NUP98: variants seen among roughly 807,000 people sequenced by gnomAD.
The protein encoded by NUP98 is nucleoporin 98 and 96 precursor.
NUP98 carries 26 observed loss-of-function variants against 191.9 expected under a neutral mutation model. The observed-to-expected ratio is 0.14, with a 90% confidence interval of 0.10 to 0.19. The LOEUF (loss-of-function observed/expected upper bound fraction) is 0.19. NUP98 is among the 10% of genes least tolerant of loss of function. NUP98 has a pLI of 1.00. For missense variants in NUP98, 1,941 were observed against 2,178.8 expected, an observed-to-expected ratio of 0.89 and a Z score of 2.17; for synonymous variants, 808 against 778.4, an observed-to-expected ratio of 1.04 and a Z score of -0.63.
chr11:3,714,598 C>T lies in NUP98; in HGVS notation c.2400-603G>A, dbSNP rs531861585. 3.3e-5 allele frequency among the ~76,000 whole-genome samples: 5 copies of T among 152,268 alleles called. No homozygotes were observed. The South Asian group carries it at 1.0e-3, about 32-fold the overall frequency. On this transcript the variant is annotated intron_variant, in intron 18 of 32. Transcript: ENST00000324932. ...TTCCCGGAGCCCCTGGCAAATACTACTCTACTTTGTTTCTATAAAGTTGAC... is the reference window on the plus strand; with the variant it reads ...TTCCCGGAGCCCCTGGCAAATACTATTCTACTTTGTTTCTATAAAGTTGAC...
intron 16 of NUP98, among the ~76,000 whole-genome samples, chr11:3,722,184 G>C (rs1459047631): frequency 7.0e-6 from 1 of 142,552 alleles, no homozygotes; most frequent in African/African-American, 2.6e-5. Context: ...CATAATCATA[G>C]CTCACTGCAA....
chr11:3,776,311 G>A (rs1209640513), intron 4 of NUP98, among the ~76,000 whole-genome samples: 1 of 150,982 alleles, frequency 6.6e-6, no homozygotes, highest in African/African-American at 2.4e-5. Flanking sequence ...TTTTTGTAGA[G>A]ACTGCCTTTT....
intron 7 of NUP98, among the ~76,000 whole-genome samples, chr11:3,770,343 T>C (rs2081485704): frequency 1.3e-5 from 2 of 151,764 alleles, no homozygotes; most frequent in Non-Finnish European, 2.9e-5. Flanking sequence ...AAAATAAAAT[T>C]AGTCGGGTGT....
chr11:3,701,572 A>T (rs568322629), intron 23 of NUP98, among the ~76,000 whole-genome samples: 16 of 151,792 alleles, frequency 1.1e-4, no homozygotes, highest in Non-Finnish European at 2.1e-4. Flanking sequence ...TTTAAGATTG[A>T]TATTAATAAC....
intron 8 of NUP98, among the ~76,000 whole-genome samples, chr11:3,763,703 C>G (rs769768760): frequency 6.6e-6 from 1 of 152,094 alleles, no homozygotes; most frequent in East Asian, 1.9e-4. Context: ...GGCACGCCAC[C>G]AGGCCTGGCT....
At chr11:3,776,733 C>T (rs940516755) in intron 4 of NUP98, among the ~76,000 whole-genome samples, 3 of 151,884 alleles carry the variant, frequency 2.0e-5, no homozygotes, top group Non-Finnish European at 4.4e-5. Flanking sequence ...ACCTCATGAT[C>T]CATCCACCTA....
intron 16 of NUP98, among the ~76,000 whole-genome samples, chr11:3,722,886 T>C (rs941870862): frequency 1.3e-5 from 2 of 152,164 alleles, no homozygotes; most frequent in Non-Finnish European, 2.9e-5. Flanking sequence ...AATATCAGGA[T>C]AGTCTCTTTG....
At chr11:3,791,774 C>T (rs527787737) in intron 1 of NUP98, among the ~76,000 whole-genome samples, 2 of 147,162 alleles carry the variant, frequency 1.4e-5, no homozygotes, top group African/African-American at 2.5e-5. Context: ...ACCCAGGAGG[C>T]GAGGTTACAG....
intron 10 of NUP98, among the ~76,000 whole-genome samples, chr11:3,753,980 G>T (rs113283647): frequency 6.6e-6 from 1 of 151,448 alleles, no homozygotes; most frequent in Non-Finnish European, 1.5e-5. Flanking sequence ...ATAAAATAAA[G>T]AAATATCAAT....
intron 22 of NUP98, among the ~76,000 whole-genome samples, chr11:3,703,226 T>C (rs995193650): frequency 2.0e-5 from 3 of 151,590 alleles, no homozygotes; most frequent in Admixed American, 2.0e-4. Context: ...CTTTTTTTTT[T>C]TTTTTTTGGA....
At chr11:3,735,748 AGTGTGTGTGTGTGTGTGTGT>A (rs71041385) in intron 12 of NUP98, among the ~76,000 whole-genome samples, 5 of 140,872 alleles carry the variant, frequency 3.5e-5, no homozygotes, top group Non-Finnish European at 6.2e-5. Context: ...CAGGGCAAGT[AGTGTGTGTGTGTGTGTGTGT>A]GTGTGTGTGT....
At chr11:3,726,824 G>A (rs966662172) in intron 14 of NUP98, among the ~76,000 whole-genome samples, 2 of 150,934 alleles carry the variant, frequency 1.3e-5, no homozygotes, top group African/African-American at 4.9e-5. Context: ...TACAGTGGTG[G>A]TATCATAGCT....
chr11:3,706,263 T>C (rs894282176), intron 21 of NUP98, among the ~76,000 whole-genome samples, 182 bp downstream of exon 21: 2 of 152,326 alleles, frequency 1.3e-5, no homozygotes, highest in African/African-American at 4.8e-5. Flanking sequence ...GTTCTCAATA[T>C]AGCCTTATCT....
intron 22 of NUP98, among the ~76,000 whole-genome samples, chr11:3,704,653 C>CT (rs1452112605): frequency 6.6e-6 from 1 of 152,156 alleles, no homozygotes; most frequent in Non-Finnish European, 1.5e-5. Flanking sequence ...AGCACAAATG[C>CT]TTTTTTTCTC....
At chr11:3,717,331 G>A (rs2079221039) in intron 18 of NUP98, among the ~76,000 whole-genome samples, 1 of 152,048 alleles carries the variant, frequency 6.6e-6, no homozygotes, top group African/African-American at 2.4e-5. Context: ...CATGAGTATG[G>A]TCTGTCTTCC....
chr11:3,770,547 TTGTGTG>T (rs34103771), intron 7 of NUP98, among the ~76,000 whole-genome samples: 31 of 147,046 alleles, frequency 2.1e-4, no homozygotes, highest in Non-Finnish European at 2.9e-4. Flanking sequence ...AAATACGTAT[TTGTGTG>T]TGTGTGTGTG....
chr11:3,780,753 C>G (rs193190073), intron 2 of NUP98, among the ~76,000 whole-genome samples: 1 of 151,442 alleles, frequency 6.6e-6, no homozygotes, highest in Non-Finnish European at 1.5e-5. Flanking sequence ...CTGGGCAACA[C>G]GGCAAGATCT....
chr11:3,764,223 G>C (rs943230460), intron 8 of NUP98, among the ~76,000 whole-genome samples: 6 of 152,054 alleles, frequency 3.9e-5, no homozygotes, highest in South Asian at 2.1e-4. Context: ...TTGGTGACGG[G>C]CTTCTTTCAG....
At position 3,738,776 on chromosome 11, in the gene NUP98, CAAAAAA is replaced by C. The variant is rs58460963; in HGVS notation, c.1409-3458_1409-3453del. Among the ~76,000 whole-genome samples the C allele has an allele frequency of 5.1e-4, 34 of 67,248 alleles. No individual in the cohort carries two copies. In the South Asian group the frequency reaches 0.015, roughly 29 times the overall value. The allele number at this position is 67,248 out of a possible 152,430, so 44.1% of individuals were successfully genotyped here. A position where few individuals can be genotyped will look rare whatever the true frequency, so the allele number is the denominator to read the frequency against. ...CTGGGTGACAGAGTAAGACTCCTCT[CAAAAAA>C]AAAAAAAAAAAAAAAAGGAAAGAAA... On this transcript the variant is annotated intron_variant, in intron 12 of 32. Coordinates refer to ENST00000324932, the MANE Select transcript of NUP98 (RefSeq NM_016320.5).
Sources: allele counts gnomAD v4.1 joint callset (sites outside exome capture counted in the v4.1 genomes callset), GRCh38; gene constraint gnomAD v4.1.1; transcripts MANE v1.5; gene names NCBI Gene and HGNC (gene_info 2026-07-23, HGNC 2026-07-21).